SAMMSON: variants seen among roughly 807,000 people sequenced by gnomAD.
SAMMSON encodes the protein long intergenic non-protein coding RNA 1212.
intron 4 of SAMMSON, among the ~76,000 whole-genome samples, chr3:70,225,836 GA>G (rs1172873965): frequency 6.6e-6 from 1 of 152,202 alleles, no homozygotes; most frequent in Non-Finnish European, 1.5e-5. Context: ...ATGTTATAAT[GA>G]GCTTTGTTTA....
intron 6 of SAMMSON, among the ~76,000 whole-genome samples, chr3:70,250,806 T>C (rs960282129): frequency 1.3e-5 from 2 of 152,178 alleles, no homozygotes; most frequent in Non-Finnish European, 2.9e-5. Flanking sequence ...ACATATGCAT[T>C]TCTTCTTCAG....
intron 9 of SAMMSON, among the ~76,000 whole-genome samples, chr3:70,371,329 T>A (rs1212368825): frequency 2.0e-5 from 3 of 152,032 alleles, no homozygotes; most frequent in East Asian, 1.9e-4. Context: ...ATTTTAGGAT[T>A]TTTTTTCTTT....
At chr3:70,233,771 C>T (rs1701584204) in intron 4 of SAMMSON, among the ~76,000 whole-genome samples, 2 of 152,286 alleles carry the variant, frequency 1.3e-5, no homozygotes, top group African/African-American at 4.8e-5. Context: ...GTCAAGATTT[C>T]ACACAGCATA....
At chr3:70,148,926 T>C (rs146727704) in intron 4 of SAMMSON, among the ~76,000 whole-genome samples, 3 of 152,198 alleles carry the variant, frequency 2.0e-5, no homozygotes, top group Non-Finnish European at 4.4e-5. Context: ...CATCTGAGAT[T>C]TGGTGAAATA....
intron 2 of SAMMSON, among the ~76,000 whole-genome samples, chr3:70,407,615 G>A (rs1318204026): frequency 6.6e-6 from 1 of 152,236 alleles, no homozygotes; most frequent in Non-Finnish European, 1.5e-5. Flanking sequence ...TGGAAGAGGT[G>A]GGTTCCCATG....
chr3:70,134,087 CAAAAA>C (rs1157606808), intron 4 of SAMMSON, among the ~76,000 whole-genome samples: 1 of 60,584 alleles, frequency 1.7e-5, no homozygotes, highest in African/African-American at 5.6e-5. Context: ...ACTGAAAATA[CAAAAA>C]AAAAAAAAAA....
chr3:70,409,104 C>T (rs1701198531), intron 2 of SAMMSON, among the ~76,000 whole-genome samples: 1 of 152,050 alleles, frequency 6.6e-6, no homozygotes, highest in South Asian at 2.1e-4. Flanking sequence ...CTGGTGTCTC[C>T]CGTAACACAT....
intron 4 of SAMMSON, among the ~76,000 whole-genome samples, chr3:70,189,173 A>G (rs967499691): frequency 6.6e-6 from 1 of 152,136 alleles, no homozygotes; most frequent in Admixed American, 6.5e-5. Context: ...AATTACTAAT[A>G]ATTGCTGTGT....
intron 9 of SAMMSON, among the ~76,000 whole-genome samples, chr3:70,371,902 G>A (rs1005850312): frequency 2.0e-5 from 3 of 151,994 alleles, no homozygotes; most frequent in African/African-American, 7.2e-5. Flanking sequence ...GGGCATTCTT[G>A]TTTTGTTCCA....
exon 7 of SAMMSON, chr3:70,291,222 A>G (rs1161660905): frequency 1.3e-5 from 2 of 151,978 alleles, no homozygotes; most frequent in African/African-American, 4.8e-5. Context: ...CAGCTCCTCC[A>G]CCTACCAGCT....
chr3:70,290,849 T>C (rs1467648308), intron 6 of SAMMSON, among the ~76,000 whole-genome samples: 1 of 152,160 alleles, frequency 6.6e-6, no homozygotes, highest in Non-Finnish European at 1.5e-5. Context: ...CCCCTTTCTT[T>C]GACTAGGAAA....
At chr3:70,400,715 G>A (rs140194757) in intron 2 of SAMMSON, among the ~76,000 whole-genome samples, 254 of 152,256 alleles carry the variant, frequency 1.7e-3, no homozygotes, top group African/African-American at 5.9e-3. Flanking sequence ...TGGATCACTT[G>A]AGGCCAAGAG....
intron 3 of SAMMSON, among the ~76,000 whole-genome samples, chr3:70,042,656 A>T (rs1336987503): frequency 6.6e-6 from 1 of 150,888 alleles, no homozygotes; most frequent in African/African-American, 2.4e-5. Flanking sequence ...TGTAGATCTC[A>T]TTTCTCCTGT....
At chr3:70,346,920 T>G (rs1702755860) in intron 7 of SAMMSON, among the ~76,000 whole-genome samples, 2 of 152,208 alleles carry the variant, frequency 1.3e-5, no homozygotes, top group Non-Finnish European at 2.9e-5. Flanking sequence ...GACTCTTTTC[T>G]GATATGCACA....
At chr3:70,052,830 C>T (rs2067151367) in intron 3 of SAMMSON, among the ~76,000 whole-genome samples, 1 of 152,020 alleles carries the variant, frequency 6.6e-6, no homozygotes, top group Non-Finnish European at 1.5e-5. Flanking sequence ...CAAAATTGCC[C>T]TCATTTGAGA....
intron 7 of SAMMSON, chr3:70,311,993 G>C (rs1348559541): frequency 5.0e-6 from 2 of 397,398 alleles, no homozygotes; most frequent in Non-Finnish European, 8.9e-6. Flanking sequence ...AACAGAATTT[G>C]TGATATAAAA....
intron 9 of SAMMSON, among the ~76,000 whole-genome samples, chr3:70,378,941 A>G (rs1048694962): frequency 3.3e-5 from 5 of 152,128 alleles, no homozygotes; most frequent in Non-Finnish European, 5.9e-5. Context: ...TAGGATAAGT[A>G]TAAGTATGTT....
intron 9 of SAMMSON, among the ~76,000 whole-genome samples, chr3:70,364,650 G>A (rs1255151515): frequency 3.3e-5 from 5 of 151,914 alleles, no homozygotes; most frequent in African/African-American, 1.2e-4. Context: ...GGAAGTTCAA[G>A]TCTTATTTAT....
chr3:70,209,019 C>T (rs1210696827), intron 4 of SAMMSON, among the ~76,000 whole-genome samples: 1 of 152,006 alleles, frequency 6.6e-6, no homozygotes, highest in Non-Finnish European at 1.5e-5. Flanking sequence ...CACTAGGCTT[C>T]CTCTAACCCA....
Sources: allele counts gnomAD v4.1 joint callset (sites outside exome capture counted in the v4.1 genomes callset), GRCh38; gene constraint gnomAD v4.1.1; transcripts MANE v1.5; gene names NCBI Gene and HGNC (gene_info 2026-07-23, HGNC 2026-07-21).